Variants in AGAP1 observed in about 807,000 individuals in gnomAD.
AGAP1 encodes arf-GAP with GTPase, ANK repeat and PH domain-containing protein 1.
Under a neutral mutation model 105.3 loss-of-function variants are expected in AGAP1, and 29 were observed. That is an observed-to-expected ratio of 0.28 (90% CI 0.21 to 0.38). The LOEUF (loss-of-function observed/expected upper bound fraction) is 0.38, where lower values mean the gene tolerates loss of function less well. Among genes scored for constraint, AGAP1 ranks in the 10% least tolerant of loss-of-function variants. The probability of loss-of-function intolerance (pLI) is 1.00; values close to 1 mark genes in which losing one functional copy is unlikely to be tolerated. For missense variants in AGAP1, 998 were observed against 1,165.1 expected (o/e 0.86, Z 2.09); for synonymous variants, 509 against 485.9 (o/e 1.05, Z -0.63).
chr2:236,064,502 A>G (rs1312214264), intron 16 of AGAP1, among the ~76,000 whole-genome samples: 1 of 152,230 alleles, frequency 6.6e-6, no homozygotes, highest in South Asian at 2.1e-4. Context: ...AGGCTGAGGC[A>G]GGAGACTCAC....
chr2:235,514,861 CTG>C (rs1942314433), intron 1 of AGAP1, among the ~76,000 whole-genome samples: 1 of 152,146 alleles, frequency 6.6e-6, no homozygotes, highest in Non-Finnish European at 1.5e-5. Flanking sequence ...AGGGCACAGT[CTG>C]TGTAGCAACA....
chr2:235,672,896 A>ATAG (rs1205672851), intron 1 of AGAP1, among the ~76,000 whole-genome samples: 1 of 152,198 alleles, frequency 6.6e-6, no homozygotes, highest in African/African-American at 2.4e-5. Context: ...TGGAATGTTT[A>ATAG]TAGTAATGCT....
chr2:235,605,846 T>G (rs1222703398), intron 1 of AGAP1, among the ~76,000 whole-genome samples: 1 of 152,224 alleles, frequency 6.6e-6, no homozygotes, highest in African/African-American at 2.4e-5. Context: ...CGCCCTGTGT[T>G]GCCATGGCAA....
intron 6 of AGAP1, among the ~76,000 whole-genome samples, chr2:235,760,057 A>C (rs1200576119): frequency 2.0e-5 from 3 of 152,212 alleles, no homozygotes; most frequent in African/African-American, 7.2e-5. Context: ...ACTGAGACAA[A>C]AATCTTCCAT....
intron 12 of AGAP1, among the ~76,000 whole-genome samples, chr2:235,937,521 A>G (rs984462735): frequency 6.6e-6 from 1 of 152,202 alleles, no homozygotes. Flanking sequence ...GGGGCAGCAC[A>G]TTTCATTCCC....
At chr2:235,903,831 T>G (rs370325019) in intron 10 of AGAP1, among the ~76,000 whole-genome samples, 4 of 152,250 alleles carry the variant, frequency 2.6e-5, no homozygotes, top group African/African-American at 9.6e-5. Context: ...TTTGGTAACC[T>G]CCCGGTCCTG....
intron 16 of AGAP1, among the ~76,000 whole-genome samples, chr2:236,110,143 G>A (rs1425274742): frequency 1.3e-5 from 2 of 152,212 alleles, no homozygotes; most frequent in African/African-American, 4.8e-5. Flanking sequence ...TAAGATGGGG[G>A]TAAGAATAGG....
intron 1 of AGAP1, among the ~76,000 whole-genome samples, chr2:235,708,149 G>A (rs1256079467): frequency 6.6e-6 from 1 of 152,244 alleles, no homozygotes; most frequent in Admixed American, 6.5e-5. Flanking sequence ...GGCATCTTAT[G>A]AATCAGGTCA....
intron 6 of AGAP1, among the ~76,000 whole-genome samples, chr2:235,772,881 C>T (rs897818362): frequency 8.5e-5 from 13 of 152,170 alleles, no homozygotes; most frequent in Non-Finnish European, 1.9e-4. Context: ...TCTTTATGTG[C>T]CCAGTAAAGC....
intron 1 of AGAP1, among the ~76,000 whole-genome samples, chr2:235,571,705 G>C (rs917717053): frequency 1.1e-4 from 16 of 152,168 alleles, no homozygotes; most frequent in African/African-American, 3.9e-4. Context: ...TGCTGAAAGG[G>C]AAGAGGCAGA....
chr2:236,118,529 A>G (rs1017767538), intron 16 of AGAP1, among the ~76,000 whole-genome samples: 2 of 151,334 alleles, frequency 1.3e-5, no homozygotes, highest in Non-Finnish European at 2.9e-5. Context: ...AGCTGGGATT[A>G]CAGGCGCCTG....
Position 235,904,701 on chromosome 2 carries a change from A to C in AGAP1, c.1156-4037A>C, listed in dbSNP as rs1326918314. Among the ~76,000 whole-genome samples the C allele has an allele frequency of 6.6e-6, 1 of 152,132 alleles. No individual in the cohort carries two copies. Among genetic ancestry groups the C allele is most frequent in the Non-Finnish European group, 1.5e-5 (1 of 68,036 alleles). On this transcript the variant is annotated intron_variant, in intron 10 of 17. Coordinates refer to ENST00000304032, the MANE Select transcript of AGAP1 (RefSeq NM_001037131.3). The surrounding 1 kb of genome is among the most constrained non-coding windows in gnomAD (Gnocchi z 4.2). The stretch of plus-strand genomic sequence containing the variant: ...CTGCACAGCCCCTTGACTTCTACGG[A>C]GGACATTGTTTAGTGGTTGTAGCTT...
chr2:235,859,214 T>A lies in AGAP1; in HGVS notation c.1051-24131T>A, dbSNP rs192897533. 7.9e-5 allele frequency among the ~76,000 whole-genome samples: 12 copies of A among 152,262 alleles called. No homozygotes were observed. The East Asian group carries it at 1.5e-3, about 20-fold the overall frequency. On this transcript the variant is annotated intron_variant, in intron 9 of 17. Transcript: ENST00000304032. ...CTCTGGGCACCTTGCATTTTTTTTT[T>A]AATACATATTGTTTCTTTTGTTAAC...
intron 12 of AGAP1, among the ~76,000 whole-genome samples, chr2:235,944,833 A>G (rs1358677179): frequency 6.6e-6 from 1 of 152,156 alleles, no homozygotes; most frequent in Non-Finnish European, 1.5e-5. Context: ...AGGCTGCGGC[A>G]TCGATTCTGA....
At chr2:236,111,834 A>G (rs925884398) in intron 16 of AGAP1, among the ~76,000 whole-genome samples, 17 of 151,712 alleles carry the variant, frequency 1.1e-4, no homozygotes, top group African/African-American at 2.4e-4. Context: ...GTATCAGGCA[A>G]TGTGAAGTGC....
chr2:236,122,314 A>G (rs2059919049), intron 17 of AGAP1, among the ~76,000 whole-genome samples: 1 of 152,092 alleles, frequency 6.6e-6, no homozygotes, highest in African/African-American at 2.4e-5. Context: ...ACACCACCAT[A>G]AAGGCTCTGT....
intron 6 of AGAP1, among the ~76,000 whole-genome samples, chr2:235,772,721 C>G (rs1955555436): frequency 6.6e-6 from 1 of 152,218 alleles, no homozygotes; most frequent in African/African-American, 2.4e-5. Flanking sequence ...AGTTCATTGT[C>G]ACAGGACTGA....
chr2:235,870,014 A>G (rs898664506), intron 9 of AGAP1, among the ~76,000 whole-genome samples: 4 of 152,210 alleles, frequency 2.6e-5, no homozygotes, highest in African/African-American at 9.6e-5. Flanking sequence ...GGTTCAATTG[A>G]GTCAGAGGAC....
At chr2:235,746,571 TG>T (rs1952970865) in intron 5 of AGAP1, among the ~76,000 whole-genome samples, 1 of 151,810 alleles carries the variant, frequency 6.6e-6, no homozygotes, top group Admixed American at 6.6e-5. Context: ...CTTGTGAGAA[TG>T]CAGAGTTGCC....
Sources: allele counts gnomAD v4.1 joint callset (sites outside exome capture counted in the v4.1 genomes callset), GRCh38; gene constraint gnomAD v4.1.1; non-coding constraint Gnocchi (gnomAD v3.1); transcripts MANE v1.5; gene names NCBI Gene and HGNC (gene_info 2026-07-23, HGNC 2026-07-21).